Variants in P4HA2 observed in about 807,000 individuals in gnomAD.
P4HA2 encodes the protein prolyl 4-hydroxylase subunit alpha 2.
P4HA2 carries 46 observed loss-of-function variants against 76.9 expected under a neutral mutation model. The observed-to-expected ratio is 0.60, with a 90% CI of 0.47 to 0.76. The LOEUF is 0.76. Ranked by LOEUF, P4HA2 falls within the 30% of genes least tolerant of loss-of-function variation. The probability of loss-of-function intolerance (pLI) is 0.00; values close to 1 mark genes in which losing one functional copy is unlikely to be tolerated. For synonymous variants in P4HA2, 243 were observed against 254.0 expected (o/e 0.96, Z 0.41); for missense variants, 583 against 669.4 (o/e 0.87, Z 1.42).
chr5:132,217,270 G>C lies in P4HA2; in HGVS notation c.258C>G (p.Ala86=), dbSNP rs1194432316. 6.2e-7 allele frequency: 1 copy of C among 1,614,176 alleles called. No individual in the cohort carries two copies. Among genetic ancestry groups the C allele is most frequent in the Admixed American group, 1.7e-5 (1 of 60,028 alleles). ...TGTTTAGCCGCTTCACCAGTTTGTA[G>C]GCATTCACAGGGTGAGCCAGGTAGC... ...AEGYLAHPVN[A]YKLVKRLNTD... The change falls in exon 4 of 15, where the codon GCC becomes GCG. Residue 86 remains alanine, a synonymous_variant. Coordinates refer to ENST00000360568, the MANE Select transcript of P4HA2 (RefSeq NM_001017974.2).
chr5:132,210,610 T>A, intron 5 of P4HA2, 87 bp from the exon 6 acceptor site: 1 of 1,345,334 alleles, frequency 7.4e-7, no homozygotes, highest in Non-Finnish European at 1.1e-6. Context: ...CCTGAGCCAC[T>A]GGATAGGGGG....
At chr5:132,203,030 A>T (rs1358939393) in intron 10 of P4HA2, among the ~76,000 whole-genome samples, 1 of 152,238 alleles carries the variant, frequency 6.6e-6, no homozygotes, top group Admixed American at 6.5e-5. Flanking sequence ...GAAGGTGTTT[A>T]GGTTGTTGCC....
intron 8 of P4HA2, among the ~76,000 whole-genome samples, chr5:132,207,466 C>T (rs147171930): frequency 1.9e-4 from 29 of 152,310 alleles, no homozygotes; most frequent in African/African-American, 6.7e-4. Context: ...TGCCCTGTTC[C>T]CAGCGTGACC....
chr5:132,222,397 T>C (rs1754769930), intron 1 of P4HA2, among the ~76,000 whole-genome samples: 1 of 152,078 alleles, frequency 6.6e-6, no homozygotes, highest in Non-Finnish European at 1.5e-5. Flanking sequence ...TACCCTACTC[T>C]CCTTAGCCTC....
At chr5:132,196,040 C>A (rs1310094192) in intron 12 of P4HA2, among the ~76,000 whole-genome samples, 2 of 152,182 alleles carry the variant, frequency 1.3e-5, no homozygotes, top group African/African-American at 4.8e-5. Context: ...TATGGTAAGG[C>A]CTTAAACTAC....
At chr5:132,206,873 A>T (rs1001828889) in intron 8 of P4HA2, among the ~76,000 whole-genome samples, 5 of 152,242 alleles carry the variant, frequency 3.3e-5, no homozygotes, top group Admixed American at 6.5e-5. Context: ...CCAGGCAACC[A>T]AAGAGAAATC....
At chr5:132,197,199 C>G (rs79337973) in intron 12 of P4HA2, among the ~76,000 whole-genome samples, 4,818 of 152,230 alleles carry the variant, frequency 0.032, 92 homozygotes, top group Middle Eastern at 0.11. Flanking sequence ...TTGGAGAACA[C>G]AAAGGCAGCT....
At chr5:132,198,773 AG>A in intron 11 of P4HA2, 105 bp downstream of exon 11, 1 of 791,510 alleles carries the variant, frequency 1.3e-6, no homozygotes, top group Non-Finnish European at 2.2e-6. Flanking sequence ...AGGGAGGACA[AG>A]GGGTGGGGGT....
At position 132,223,374 on chromosome 5, in the gene P4HA2, T is replaced by C. The variant is rs150624974; in HGVS notation, c.-19+4416A>G. Among the ~76,000 whole-genome samples, 681 of 152,350 alleles carry C rather than the reference T, an allele frequency of 4.5e-3. 1 individual carries two copies. Among genetic ancestry groups the C allele is most frequent in the Non-Finnish European group, 7.3e-3 (497 of 68,030 alleles). On this transcript the variant is annotated intron_variant, in intron 1 of 14. Transcript: ENST00000360568. ...ACTTCCCAGGTTCAAGGGATTCTCC[T>C]GCCTCAGCCTCCTGAGTAGCTTGGA...
rs1409240320 is a variant in P4HA2, at chr5:132,190,936, A to G, written c.*2074T>C. Among the ~76,000 whole-genome samples the G allele has an allele frequency of 6.6e-6, 1 of 152,246 alleles. No homozygotes were observed. Among genetic ancestry groups the G allele is most frequent in the Non-Finnish European group, 1.5e-5 (1 of 68,036 alleles). On this transcript the variant is annotated 3_prime_UTR_variant, in exon 15 of 15. Transcript: ENST00000360568. The stretch of plus-strand genomic sequence containing the variant: ...ATGTTCAAATAGACACTATACATGT[A>G]CTGTCTTAGGTAGAGCTGCTATAAT...
At chr5:132,217,400 G>T (rs763715350) in intron 3 of P4HA2, 52 bp from the exon 4 acceptor site, 89 of 1,563,700 alleles carry the variant, frequency 5.7e-5, no homozygotes, top group Non-Finnish European at 7.4e-5. Flanking sequence ...CATAGGTCTT[G>T]ACCTGTGACA....
intron 1 of P4HA2, among the ~76,000 whole-genome samples, chr5:132,225,061 A>AC (rs1029128445): frequency 1.3e-5 from 2 of 151,722 alleles, no homozygotes; most frequent in Non-Finnish European, 2.9e-5. Flanking sequence ...AAAAAAAAAA[A>AC]AAAAAAAACT....
At chr5:132,198,249 T>C (rs1327607177) in intron 12 of P4HA2, 72 bp downstream of exon 12, 2 of 1,614,120 alleles carry the variant, frequency 1.2e-6, no homozygotes, top group Non-Finnish European at 1.7e-6. Flanking sequence ...CCCTAAATGC[T>C]TGAAAGTATC....
rs1377553161 is a variant in P4HA2 at position 132,198,949 on chromosome 5, C to G, written c.1252-17G>C. Reference sequence around the variant, plus strand: ...ATTTGCAACCTGTGGGAAATAACAGCATTAGACCTTGTAAGCAGCATGAAC... The same window carrying G: ...ATTTGCAACCTGTGGGAAATAACAGGATTAGACCTTGTAAGCAGCATGAAC... On this transcript the variant is annotated splice_polypyrimidine_tract_variant and intron_variant, in intron 10 of 14. Coordinates refer to ENST00000360568, the MANE Select transcript of P4HA2 (RefSeq NM_001017974.2). 6.3e-7 allele frequency: 1 copy of G among 1,582,316 alleles called. No homozygotes were observed. Among genetic ancestry groups the G allele is most frequent in the South Asian group, 1.1e-5 (1 of 90,378 alleles).
chr5:132,217,632 G>A, intron 3 of P4HA2, 120 bp downstream of exon 3: 1 of 750,342 alleles, frequency 1.3e-6, no homozygotes. Context: ...AAGTAACCAG[G>A]CCAGCCCCAC....
chr5:132,210,669 G>T, intron 5 of P4HA2, 146 bp from the exon 6 acceptor site: 1 of 797,904 alleles, frequency 1.3e-6, no homozygotes, highest in Non-Finnish European at 2.1e-6. Context: ...TATCCTAAAG[G>T]GCCACTGACA....
chr5:132,215,274 C>T (rs139904229), intron 4 of P4HA2, among the ~76,000 whole-genome samples: 1 of 152,378 alleles, frequency 6.6e-6, no homozygotes, highest in African/African-American at 2.4e-5. Flanking sequence ...AACTCAAAGT[C>T]AGAGATGAAA....
intron 8 of P4HA2, among the ~76,000 whole-genome samples, chr5:132,204,828 C>T (rs1181523677): frequency 6.6e-6 from 1 of 152,246 alleles, no homozygotes; most frequent in East Asian, 1.9e-4. Flanking sequence ...CATACAGGTA[C>T]ACACTACACA....
At chr5:132,202,327 T>C (rs1017656153) in intron 10 of P4HA2, 1 of 152,154 alleles carries the variant, frequency 6.6e-6, no homozygotes, top group Non-Finnish European at 1.5e-5. Flanking sequence ...GATTTTCCAA[T>C]TGCTGATGCA....
Sources: gnomAD v4.1 joint callset for allele counts (sites outside exome capture counted in the v4.1 genomes callset) on GRCh38, gnomAD v4.1.1 for gene constraint, MANE v1.5 for transcripts, NCBI Gene and HGNC (gene_info 2026-07-23, HGNC 2026-07-21) for gene names.